The following ST6GALNAC5 variants were observed in gnomAD, a reference collection of about 807,000 sequenced individuals.
ST6GALNAC5 encodes ST6 N-acetylgalactosaminide alpha-2,6-sialyltransferase 5, also known as alpha-N-acetylgalactosaminide alpha-2,6-sialyltransferase 5.
A neutral mutation model predicts 33.6 loss-of-function variants in ST6GALNAC5; 27 were observed. That is an observed-to-expected ratio of 0.80 (90% CI 0.59 to 1.11). The LOEUF (loss-of-function observed/expected upper bound fraction) is 1.11, where lower values mean the gene tolerates loss of function less well. ST6GALNAC5 is among the 50% of genes least tolerant of loss of function. ST6GALNAC5 has a pLI of 0.00. For missense variants in ST6GALNAC5, 428 were observed against 454.0 expected (o/e 0.94, Z 0.52); for synonymous variants, 194 against 171.2 (o/e 1.13, Z -1.04).
intron 2 of ST6GALNAC5, among the ~76,000 whole-genome samples, chr1:76,949,653 TG>T (rs1490151504): frequency 6.6e-6 from 1 of 152,114 alleles, no homozygotes; most frequent in East Asian, 1.9e-4. Flanking sequence ...ATCAGTCCTA[TG>T]TCATACTGGG....
In ST6GALNAC5 at chr1:76,983,090, G is replaced by A. The variant is rs552553272; in HGVS notation, c.262-61114G>A. 1.3e-5 allele frequency among the ~76,000 whole-genome samples: 2 copies of A among 151,236 alleles called. 1 individual carries two copies. The highest frequency in any genetic ancestry group is 4.5e-4 in the East Asian group (2 of 4,452). ...TTGTAAAGACCATCGATGCTAGGAA[G>A]AAACTGCATCAATTAACAGGCAAAA... On this transcript the variant is annotated intron_variant, in intron 2 of 4. Transcript: ENST00000477717.
At chr1:76,875,835 C>CA (rs1376331573) in intron 2 of ST6GALNAC5, among the ~76,000 whole-genome samples, 1 of 151,848 alleles carries the variant, frequency 6.6e-6, no homozygotes, top group East Asian at 2.0e-4. Flanking sequence ...CCCAGCCCTG[C>CA]AAAGTACTGT....
chr1:76,954,182 G>A (rs545904985), intron 2 of ST6GALNAC5, among the ~76,000 whole-genome samples: 1 of 152,242 alleles, frequency 6.6e-6, no homozygotes, highest in Admixed American at 6.6e-5. Flanking sequence ...TATACACCAT[G>A]GAATACTGTG....
At chr1:76,988,416 AT>A (rs1169163577) in intron 2 of ST6GALNAC5, among the ~76,000 whole-genome samples, 2 of 151,932 alleles carry the variant, frequency 1.3e-5, no homozygotes, top group African/African-American at 4.8e-5. Flanking sequence ...GAGCATTTAT[AT>A]TTTTATTATA....
At chr1:77,052,540 A>G (rs35224101) in intron 4 of ST6GALNAC5, among the ~76,000 whole-genome samples, 18,012 of 152,106 alleles carry the variant, frequency 0.12, 1,603 homozygotes, top group South Asian at 0.33. Context: ...AGGAAAGAGT[A>G]TCAATATCAT....
At chr1:77,047,445 A>G (rs1411508794) in intron 3 of ST6GALNAC5, among the ~76,000 whole-genome samples, 1 of 152,224 alleles carries the variant, frequency 6.6e-6, no homozygotes, top group African/African-American at 2.4e-5. Context: ...TAACTTGCAG[A>G]TCTCATGATC....
Position 76,867,665 on chromosome 1 carries a change from A to G in ST6GALNAC5, c.-11A>G, listed in dbSNP as rs764756456. On this transcript the variant is annotated 5_prime_UTR_variant, in exon 1 of 5. Transcript: ENST00000477717. ...CGAGCCTGAGGATTCTGCACAAAAGAGGTGCCCAAAATGAAGACCCTGATG... is the reference window on the plus strand; with the variant it reads ...CGAGCCTGAGGATTCTGCACAAAAGGGGTGCCCAAAATGAAGACCCTGATG... 1.9e-6 allele frequency: 3 copies of G among 1,614,108 alleles called. No individual in the cohort carries two copies. Among genetic ancestry groups the G allele is most frequent in the Non-Finnish European group, 2.5e-6 (3 of 1,180,012 alleles).
rs373522846 is a variant in ST6GALNAC5, at chr1:76,970,310, A to G, written c.262-73894A>G. ...CACAAGAAAGCTAAAAACCTTGGAA[A>G]AAGATTAGATGAATGGCTAACTCGA... is the stretch of plus-strand genomic sequence containing the variant. On this transcript the variant is annotated intron_variant, in intron 2 of 4. Transcript: ENST00000477717. 3.5e-4 allele frequency among the ~76,000 whole-genome samples: 54 copies of G among 152,152 alleles called. No homozygotes were observed. In the East Asian group the frequency reaches 9.1e-3, roughly 26 times the overall value.
chr1:77,032,285 A>C (rs1398213344), intron 2 of ST6GALNAC5, among the ~76,000 whole-genome samples: 1 of 152,154 alleles, frequency 6.6e-6, no homozygotes, highest in Non-Finnish European at 1.5e-5. Flanking sequence ...AGGAGTTCCT[A>C]ATTAAAAGTG....
intron 2 of ST6GALNAC5, among the ~76,000 whole-genome samples, chr1:76,898,505 G>A (rs770527535): frequency 3.3e-5 from 5 of 152,160 alleles, no homozygotes; most frequent in South Asian, 2.1e-4. Context: ...GTAATAAAAC[G>A]TATATTGAGA....
intron 2 of ST6GALNAC5, among the ~76,000 whole-genome samples, chr1:76,960,244 C>CG (rs1557737586): frequency 6.6e-6 from 1 of 151,898 alleles, no homozygotes; most frequent in Non-Finnish European, 1.5e-5. Flanking sequence ...GCTGGGTATC[C>CG]GGGGGAGACA....
At chr1:77,058,084 C>A (rs1652458730) in intron 4 of ST6GALNAC5, among the ~76,000 whole-genome samples, 2 of 152,166 alleles carry the variant, frequency 1.3e-5, no homozygotes, top group South Asian at 2.1e-4. Flanking sequence ...CCCAGGGAAA[C>A]CTGGGTGCCA....
At chr1:76,962,190 G>T (rs542886218) in intron 2 of ST6GALNAC5, among the ~76,000 whole-genome samples, 12 of 152,188 alleles carry the variant, frequency 7.9e-5, no homozygotes, top group South Asian at 4.1e-4. Flanking sequence ...TAAGATGAAA[G>T]TTGAGGAAGA....
chr1:76,910,783 T>C (rs771466418), intron 2 of ST6GALNAC5, among the ~76,000 whole-genome samples: 1 of 151,886 alleles, frequency 6.6e-6, no homozygotes, highest in Non-Finnish European at 1.5e-5. Flanking sequence ...ACACAGACAG[T>C]GGAAATTTAT....
intron 4 of ST6GALNAC5, among the ~76,000 whole-genome samples, chr1:77,058,386 C>T (rs565763280): frequency 5.3e-5 from 8 of 152,308 alleles, no homozygotes; most frequent in African/African-American, 1.9e-4. Context: ...GGGCAGATCC[C>T]TCATGAATAG....
At chr1:76,870,234 G>A (rs139727185) in intron 2 of ST6GALNAC5, among the ~76,000 whole-genome samples, 1 of 152,166 alleles carries the variant, frequency 6.6e-6, no homozygotes, top group Admixed American at 6.5e-5. Flanking sequence ...ATAAGGGCTG[G>A]AGTTCTAGGA....
At position 77,065,168 on chromosome 1, in the gene ST6GALNAC5, A is replaced by G. The variant is rs891465588; in HGVS notation, c.*1962A>G. 3.3e-5 allele frequency: 5 copies of G among 152,194 alleles called. No homozygotes were observed. Among genetic ancestry groups the G allele is most frequent in the Non-Finnish European group, 7.3e-5 (5 of 68,028 alleles). The allele number at this position is 152,194 out of a possible 1,614,324, so 9.4% of individuals were successfully genotyped here. A position where few individuals can be genotyped will look rare whatever the true frequency, so the allele number is the denominator to read the frequency against. On this transcript the variant is annotated 3_prime_UTR_variant, in exon 5 of 5. Transcript: ENST00000477717. ...TGAAAAAGTGTATTAATTTTATACA[A>G]TTTACTTATAGGCCACCTTTATAAT...
At chr1:76,960,358 A>G (rs1208499147) in intron 2 of ST6GALNAC5, among the ~76,000 whole-genome samples, 2 of 152,168 alleles carry the variant, frequency 1.3e-5, no homozygotes, top group Admixed American at 1.3e-4. Context: ...GGTGTGGGTT[A>G]CAGAGATCAC....
intron 2 of ST6GALNAC5, among the ~76,000 whole-genome samples, chr1:76,900,370 G>T (rs1385608897): frequency 6.6e-6 from 1 of 152,130 alleles, no homozygotes; most frequent in Non-Finnish European, 1.5e-5. Flanking sequence ...GGCTTAGATT[G>T]GGCTCAGAGG....
Sources: allele counts gnomAD v4.1 joint callset (sites outside exome capture counted in the v4.1 genomes callset), GRCh38; gene constraint gnomAD v4.1.1; transcripts MANE v1.5; gene names NCBI Gene and HGNC (gene_info 2026-07-23, HGNC 2026-07-21).